Variants in RBFOX1 observed in about 807,000 individuals in gnomAD.
RBFOX1 encodes the protein RNA binding protein fox-1 homolog 1.
RBFOX1 carries 8 observed loss-of-function variants against 57.7 expected under a neutral mutation model. That is an observed-to-expected ratio of 0.14 (90% CI 0.08 to 0.25). RBFOX1 has a LOEUF of 0.25. Ranked by LOEUF, RBFOX1 falls within the 10% of genes least tolerant of loss-of-function variation. The probability of loss-of-function intolerance (pLI) is 1.00; values close to 1 mark genes in which losing one functional copy is unlikely to be tolerated. For synonymous variants in RBFOX1, 326 were observed against 222.4 expected, an observed-to-expected ratio of 1.47 and a Z score of -4.15; for missense variants, 611 against 548.5, an observed-to-expected ratio of 1.11 and a Z score of -1.14.
chr16:7,318,708 T>C (rs576593140), intron 4 of RBFOX1, among the ~76,000 whole-genome samples: 1 of 152,326 alleles, frequency 6.6e-6, no homozygotes, highest in Admixed American at 6.5e-5. Context: ...GCTTCTGGAC[T>C]TCTGCTATAT....
At chr16:5,552,931 G>A (rs1174334886) in intron 2 of RBFOX1, among the ~76,000 whole-genome samples, 1 of 152,070 alleles carries the variant, frequency 6.6e-6, no homozygotes, top group African/African-American at 2.4e-5. Context: ...AAAAGGCAAG[G>A]TGTATGGAAT....
chr16:7,596,979 T>C (rs2094734980), intron 8 of RBFOX1, among the ~76,000 whole-genome samples: 1 of 152,228 alleles, frequency 6.6e-6, no homozygotes, highest in Admixed American at 6.5e-5. Flanking sequence ...ACCTTGTCTC[T>C]TCTCTCTTCT....
At chr16:6,266,421 A>G (rs948959126) in intron 1 of RBFOX1, among the ~76,000 whole-genome samples, 14 of 152,184 alleles carry the variant, frequency 9.2e-5, no homozygotes, top group African/African-American at 3.4e-4. Context: ...CTTAGAATCT[A>G]TTTACTAACA....
intron 3 of RBFOX1, among the ~76,000 whole-genome samples, chr16:6,951,126 T>G (rs1040680199): frequency 2.6e-5 from 4 of 152,066 alleles, no homozygotes; most frequent in African/African-American, 4.8e-5. Context: ...AGGCTGGTCT[T>G]AAACTCCTGG....
intron 4 of RBFOX1, among the ~76,000 whole-genome samples, chr16:7,256,253 CA>C (rs928375648): frequency 6.6e-6 from 1 of 152,160 alleles, no homozygotes; most frequent in Non-Finnish European, 1.5e-5. Flanking sequence ...CCCCTGCTCC[CA>C]AAAGCCAGGC....
intron 2 of RBFOX1, among the ~76,000 whole-genome samples, chr16:6,424,822 A>G (rs548333090): frequency 2.0e-5 from 3 of 152,296 alleles, no homozygotes; most frequent in East Asian, 1.9e-4. Context: ...TTAAGGTTCA[A>G]TGGGATGGAA....
intron 4 of RBFOX1, among the ~76,000 whole-genome samples, chr16:7,228,652 C>G (rs980085669): frequency 2.6e-5 from 4 of 152,186 alleles, no homozygotes; most frequent in South Asian, 2.1e-4. Context: ...CTTCTTTTCT[C>G]TTTGCACCTG....
At chr16:7,256,698 C>T (rs541068454) in intron 4 of RBFOX1, among the ~76,000 whole-genome samples, 2 of 152,188 alleles carry the variant, frequency 1.3e-5, no homozygotes, top group South Asian at 2.1e-4. Flanking sequence ...TAATCGCTCC[C>T]TGTCTCATTG....
intron 4 of RBFOX1, among the ~76,000 whole-genome samples, chr16:7,259,149 C>T (rs1026008952): frequency 6.6e-6 from 1 of 152,186 alleles, no homozygotes; most frequent in Non-Finnish European, 1.5e-5. Context: ...TGGAGAGAAG[C>T]TGTTGACACC....
At position 6,402,969 on chromosome 16, in the gene RBFOX1, T is replaced by G. The variant is rs2093135462; in HGVS notation, c.-64+85912T>G. 2.0e-5 allele frequency among the ~76,000 whole-genome samples: 3 copies of G among 152,226 alleles called. 1 individual carries two copies. In the South Asian group the frequency reaches 6.2e-4, roughly 32 times the overall value. ...GATTAATACATCACATTTTAAAACC[T>G]TCAACCCTTGGCTTCTCAGTTTTTT... On this transcript the variant is annotated intron_variant, in intron 2 of 15. Transcript: ENST00000550418.
At chr16:5,678,340 C>T (rs560986911) in intron 3 of RBFOX1, among the ~76,000 whole-genome samples, 1 of 152,324 alleles carries the variant, frequency 6.6e-6, no homozygotes, top group East Asian at 1.9e-4. Context: ...TCTTAAGCCT[C>T]TGTTGCAATT....
intron 4 of RBFOX1, among the ~76,000 whole-genome samples, chr16:7,198,935 C>A (rs1602725389): frequency 6.6e-6 from 1 of 152,150 alleles, no homozygotes. Flanking sequence ...CAGTATGAAC[C>A]ATGCTTGCAG....
intron 3 of RBFOX1, among the ~76,000 whole-genome samples, chr16:5,785,791 T>A (rs1236112415): frequency 2.0e-5 from 3 of 152,162 alleles, no homozygotes; most frequent in Non-Finnish European, 4.4e-5. Context: ...CCTCCCAAAG[T>A]GCTGGGATTA....
At chr16:6,354,914 G>A (rs2087013464) in intron 2 of RBFOX1, among the ~76,000 whole-genome samples, 1 of 152,076 alleles carries the variant, frequency 6.6e-6, no homozygotes, top group Non-Finnish European at 1.5e-5. Context: ...ATATACCAGT[G>A]TTCACATAAG....
chr16:6,664,723 C>G (rs2098721414), intron 3 of RBFOX1, among the ~76,000 whole-genome samples: 2 of 152,210 alleles, frequency 1.3e-5, no homozygotes. Flanking sequence ...GAAGTCAGTT[C>G]TGGAGATACT....
chr16:7,691,469 A>G (rs1363293490), intron 14 of RBFOX1, among the ~76,000 whole-genome samples: 1 of 152,032 alleles, frequency 6.6e-6, no homozygotes, highest in African/African-American at 2.4e-5. Context: ...AGGAAAGGGT[A>G]GGAGAGGAAA....
chr16:7,361,415 G>A (rs943638172), intron 4 of RBFOX1, among the ~76,000 whole-genome samples: 1 of 152,172 alleles, frequency 6.6e-6, no homozygotes, highest in Non-Finnish European at 1.5e-5. Flanking sequence ...CGAGGCTGCG[G>A]CACTTCCCTA....
chr16:6,622,478 G>A (rs2098247355), intron 2 of RBFOX1, among the ~76,000 whole-genome samples: 1 of 152,060 alleles, frequency 6.6e-6, no homozygotes, highest in African/African-American at 2.4e-5. Flanking sequence ...CATATAGAGT[G>A]TGTGTGTGTA....
intron 3 of RBFOX1, among the ~76,000 whole-genome samples, chr16:6,882,471 G>T (rs1002207750): frequency 3.3e-5 from 5 of 152,200 alleles, no homozygotes; most frequent in East Asian, 1.9e-4. Flanking sequence ...GTACGTGCTT[G>T]TAATCCCAGC....
Sources: gnomAD v4.1 joint callset for allele counts (sites outside exome capture counted in the v4.1 genomes callset) on GRCh38, gnomAD v4.1.1 for gene constraint, MANE v1.5 for transcripts, NCBI Gene and HGNC (gene_info 2026-07-23, HGNC 2026-07-21) for gene names.